OPCML: variants seen among roughly 807,000 people sequenced by gnomAD.
OPCML encodes the protein opioid-binding protein/cell adhesion molecule.
In OPCML, 13 loss-of-function variants were observed where a neutral mutation model predicts 37.8. The observed-to-expected ratio is 0.34, with a 90% CI of 0.22 to 0.55. OPCML has a LOEUF of 0.55. Ranked by LOEUF, OPCML falls within the 20% of genes least tolerant of loss-of-function variation. OPCML has a pLI of 0.91. For synonymous variants in OPCML, 176 were observed against 168.8 expected (o/e 1.04, Z -0.33); for missense variants, 341 against 435.6 (o/e 0.78, Z 1.93).
At chr11:132,727,378 C>A (rs865908698) in intron 2 of OPCML, among the ~76,000 whole-genome samples, 1 of 152,184 alleles carries the variant, frequency 6.6e-6, no homozygotes, top group Non-Finnish European at 1.5e-5. Context: ...TTGTGGGCTT[C>A]TCCATTTATC....
At chr11:132,594,959 CGT>C (rs113803540) in intron 3 of OPCML, among the ~76,000 whole-genome samples, 4 of 152,156 alleles carry the variant, frequency 2.6e-5, no homozygotes, top group Non-Finnish European at 5.9e-5. Context: ...TATTTCAAGA[CGT>C]GTGTGTAATA....
intron 3 of OPCML, among the ~76,000 whole-genome samples, chr11:132,650,280 G>A (rs367823887): frequency 6.6e-6 from 1 of 152,262 alleles, no homozygotes; most frequent in Admixed American, 6.5e-5. Context: ...AAAAGACTGC[G>A]ATTACTTTCA....
intron 3 of OPCML, among the ~76,000 whole-genome samples, chr11:132,557,268 T>G (rs1271866510): frequency 6.6e-6 from 1 of 152,180 alleles, no homozygotes; most frequent in African/African-American, 2.4e-5. Flanking sequence ...TTGACAGTGG[T>G]GGATTCCAAG....
chr11:132,941,387 G>A (rs1039307351), intron 2 of OPCML, among the ~76,000 whole-genome samples: 1 of 152,168 alleles, frequency 6.6e-6, no homozygotes, highest in Non-Finnish European at 1.5e-5. Context: ...TGCCCCCAGT[G>A]GCACATTAGA....
chr11:133,130,144 C>T (rs1016345240), intron 1 of OPCML, among the ~76,000 whole-genome samples: 1 of 151,442 alleles, frequency 6.6e-6, no homozygotes, highest in African/African-American at 2.4e-5. Context: ...AAATAAAAAG[C>T]TACAATGTGT....
chr11:132,489,877 T>A (rs2096210561), intron 4 of OPCML, among the ~76,000 whole-genome samples: 1 of 152,086 alleles, frequency 6.6e-6, no homozygotes, highest in South Asian at 2.1e-4. Flanking sequence ...TGTGTGATGT[T>A]CCCCTCCCAG....
At chr11:133,320,828 A>G (rs1943311597) in intron 1 of OPCML, among the ~76,000 whole-genome samples, 1 of 152,188 alleles carries the variant, frequency 6.6e-6, no homozygotes, top group African/African-American at 2.4e-5. Context: ...TGCTGGATGT[A>G]AAGTCCATGA....
rs79183611 is a variant in OPCML at position 133,261,937 on chromosome 11, C to T, written c.61+270327G>A. On this transcript the variant is annotated intron_variant, in intron 1 of 7. Coordinates refer to ENST00000524381, the MANE Select transcript of OPCML (RefSeq NM_001012393.5). ...CAGCCTCTGCCTGCCTTTGAGGGTT[C>T]GGATGTTCTTGATCTCATCCGGGCA... Among the ~76,000 whole-genome samples, 88 of 152,222 alleles carry T rather than the reference C, an allele frequency of 5.8e-4. 1 individual carries two copies. The East Asian group carries it at 0.016, about 28-fold the overall frequency.
At chr11:132,466,018 A>G (rs2096118323) in intron 4 of OPCML, among the ~76,000 whole-genome samples, 1 of 152,186 alleles carries the variant, frequency 6.6e-6, no homozygotes, top group Non-Finnish European at 1.5e-5. Flanking sequence ...TTTGATGCAG[A>G]GCTCCACCAA....
At chr11:133,025,693 T>G (rs1190624190) in intron 1 of OPCML, among the ~76,000 whole-genome samples, 1 of 151,734 alleles carries the variant, frequency 6.6e-6, no homozygotes. Flanking sequence ...GTAGTTGAGA[T>G]TATGGGCATG....
chr11:133,424,671 A>T (rs1945964073), intron 1 of OPCML, among the ~76,000 whole-genome samples: 1 of 152,192 alleles, frequency 6.6e-6, no homozygotes, highest in Non-Finnish European at 1.5e-5. Flanking sequence ...CGTGATAAAC[A>T]TCTATGTTCA....
intron 2 of OPCML, among the ~76,000 whole-genome samples, chr11:132,682,516 A>T (rs1192179045): frequency 6.6e-6 from 1 of 152,238 alleles, no homozygotes; most frequent in Non-Finnish European, 1.5e-5. Context: ...AAGAGAGAAC[A>T]ATCATCTTTG....
chr11:132,821,474 C>T (rs765479909), intron 2 of OPCML, among the ~76,000 whole-genome samples: 42 of 152,210 alleles, frequency 2.8e-4, no homozygotes, highest in Non-Finnish European at 5.3e-4. Flanking sequence ...TGGGCAGCTA[C>T]AGGGAAGAGA....
At chr11:133,166,268 C>T (rs1272793891) in intron 1 of OPCML, among the ~76,000 whole-genome samples, 4 of 152,158 alleles carry the variant, frequency 2.6e-5, no homozygotes, top group Non-Finnish European at 5.9e-5. Flanking sequence ...TATAGTAATT[C>T]CTAGGTGCTA....
chr11:132,587,809 G>A (rs1251271031), intron 3 of OPCML, among the ~76,000 whole-genome samples: 1 of 152,150 alleles, frequency 6.6e-6, no homozygotes, highest in African/African-American at 2.4e-5. Context: ...GCAGTACCCT[G>A]TAAGTATTCC....
chr11:132,442,676 G>A (rs2096040213), intron 4 of OPCML, among the ~76,000 whole-genome samples: 1 of 152,180 alleles, frequency 6.6e-6, no homozygotes, highest in South Asian at 2.1e-4. Flanking sequence ...GGAAATGATT[G>A]AATCATGGGC....
chr11:132,713,598 T>C (rs985155853), intron 2 of OPCML, among the ~76,000 whole-genome samples: 2 of 152,240 alleles, frequency 1.3e-5, no homozygotes, highest in African/African-American at 4.8e-5. Context: ...CAAAGATATG[T>C]TCATTGATGT....
chr11:132,470,661 T>A (rs2096135233), intron 4 of OPCML, among the ~76,000 whole-genome samples: 1 of 152,118 alleles, frequency 6.6e-6, no homozygotes, highest in Non-Finnish European at 1.5e-5. Context: ...ACCCCTTAAG[T>A]GTGATCATAG....
intron 3 of OPCML, among the ~76,000 whole-genome samples, chr11:132,652,349 AACACACAC>A (rs5795793): frequency 3.0e-3 from 424 of 142,636 alleles, no homozygotes; most frequent in Non-Finnish European, 5.1e-3. Flanking sequence ...AAGAATGACA[AACACACAC>A]ACACACACAC....
Sources: gnomAD v4.1 joint callset for allele counts (sites outside exome capture counted in the v4.1 genomes callset) on GRCh38, gnomAD v4.1.1 for gene constraint, MANE v1.5 for transcripts, NCBI Gene and HGNC (gene_info 2026-07-23, HGNC 2026-07-21) for gene names.